Variants in CASTOR2 observed in about 807,000 individuals in gnomAD.
CASTOR2 encodes the protein cytosolic arginine sensor for mTORC1 subunit 2, also known as GATS protein like 2.
In CASTOR2, 8 loss-of-function variants were observed where a neutral mutation model predicts 31.2. That is an observed-to-expected ratio of 0.26 (90% CI 0.15 to 0.46). The LOEUF is 0.46. CASTOR2 is among the 20% of genes least tolerant of loss of function. The probability of loss-of-function intolerance (pLI) is 0.99; values close to 1 mark genes in which losing one functional copy is unlikely to be tolerated. For synonymous variants in CASTOR2, 162 were observed against 158.7 expected (o/e 1.02, Z -0.16); for missense variants, 216 against 382.1 (o/e 0.57, Z 3.62).
chr7:74,983,599 G>A (rs186524293), intron 1 of CASTOR2, among the ~76,000 whole-genome samples: 9 of 151,536 alleles, frequency 5.9e-5, no homozygotes, highest in African/African-American at 2.0e-4. Context: ...GCTGTGAGTC[G>A]TGTGCATCTC....
At position 75,026,676 on chromosome 7, in the gene CASTOR2, G is replaced by A. The variant is rs1403792458; in HGVS notation, c.*1977G>A. On this transcript the variant is annotated 3_prime_UTR_variant, in exon 9 of 9. Coordinates refer to ENST00000616305, the MANE Select transcript of CASTOR2 (RefSeq NM_001145064.3). ...TAGAAACCAACTTTTTTTTTTTTAAGTTAATTTGTTTTGCACAAAACTCCA... is the reference window on the plus strand; with the variant it reads ...TAGAAACCAACTTTTTTTTTTTTAAATTAATTTGTTTTGCACAAAACTCCA... Among the ~76,000 whole-genome samples the A allele has an allele frequency of 6.0e-5, 9 of 150,998 alleles. No homozygotes were observed.
At chr7:74,996,950 G>GTC (rs1288221607) in intron 1 of CASTOR2, among the ~76,000 whole-genome samples, 1 of 150,890 alleles carries the variant, frequency 6.6e-6, no homozygotes, top group Admixed American at 6.6e-5. Flanking sequence ...GGCCAGGTTG[G>GTC]TCTCAAACTC....
chr7:74,989,720 A>C (rs1421012594), intron 1 of CASTOR2, among the ~76,000 whole-genome samples: 2 of 151,942 alleles, frequency 1.3e-5, no homozygotes, highest in Non-Finnish European at 2.9e-5. Context: ...AGCCTGGATT[A>C]ATCTCAAAAA....
At position 75,018,994 on chromosome 7, in the gene CASTOR2, A is replaced by C. The variant is rs1252829488; in HGVS notation, c.534A>C (p.Pro178=). 1 of 1,551,980 alleles carries C rather than the reference A, an allele frequency of 6.4e-7. No homozygotes were observed. ...PKLVQRPVIH[P]LSSPSNRFCV... ...CAGTCCAGAGGCCAGTCATCCACCCACTGTCCAGCCCGAGCAACAGGTTCT... is the reference window on the plus strand; with the variant it reads ...CAGTCCAGAGGCCAGTCATCCACCCCCTGTCCAGCCCGAGCAACAGGTTCT... Residue 178 remains proline, a synonymous_variant, in exon 5 of 9, where the codon CCA becomes CCC. Coordinates refer to ENST00000616305, the MANE Select transcript of CASTOR2 (RefSeq NM_001145064.3).
rs972330162 is a variant in CASTOR2 at position 75,025,057 on chromosome 7, G to T, written c.*358G>T. On this transcript the variant is annotated 3_prime_UTR_variant, in exon 9 of 9. Transcript: ENST00000616305. ...ATGCCGAGGGAAGCCGGTCCCTCCT[G>T]CGAGACACCGGTGTGCCAGCTGTCA... 0.016 allele frequency among the ~76,000 whole-genome samples: 2,416 copies of T among 152,374 alleles called. 70 individuals are homozygous for T. Among genetic ancestry groups the T allele is most frequent in the African/African-American group, 0.056 (2,319 of 41,594 alleles).
chr7:74,971,370 G>C (rs1474214878), intron 1 of CASTOR2, among the ~76,000 whole-genome samples: 1 of 42,902 alleles, frequency 2.3e-5, no homozygotes, highest in African/African-American at 1.0e-4. Flanking sequence ...TGTGTGATCA[G>C]AGTTTATGGG....
intron 1 of CASTOR2, among the ~76,000 whole-genome samples, chr7:74,996,156 G>A (rs1315467355): frequency 2.6e-5 from 4 of 152,136 alleles, no homozygotes; most frequent in Non-Finnish European, 4.4e-5. Flanking sequence ...GATGGGCCCC[G>A]GTGGCAGGAA....
intron 2 of CASTOR2, among the ~76,000 whole-genome samples, chr7:75,014,516 C>G (rs1259190234): frequency 1.3e-5 from 2 of 151,844 alleles, no homozygotes; most frequent in East Asian, 3.9e-4. Context: ...CGCTTGAACC[C>G]GGGAGGCAGA....
Position 75,028,090 on chromosome 7 carries a change from A to C in CASTOR2, c.*3391A>C. 1 of 1,499,820 alleles carries C rather than the reference A, an allele frequency of 6.7e-7. No individual in the cohort carries two copies. Among genetic ancestry groups the C allele is most frequent in the Non-Finnish European group, 8.9e-7 (1 of 1,129,908 alleles). The allele number at this position is 1,499,820 out of a possible 1,614,324, so 92.9% of individuals were successfully genotyped here. A position where few individuals can be genotyped will look rare whatever the true frequency, so the allele number is the denominator to read the frequency against. Reference sequence around the variant, plus strand: ...GGATGGGGCAGGTGCCTGGCGGGGGAGGAAGAGGGCTCTCTATGATGTGGA... The same window carrying C: ...GGATGGGGCAGGTGCCTGGCGGGGGCGGAAGAGGGCTCTCTATGATGTGGA... On this transcript the variant is annotated 3_prime_UTR_variant, in exon 9 of 9. Coordinates refer to ENST00000616305, the MANE Select transcript of CASTOR2 (RefSeq NM_001145064.3).
intron 2 of CASTOR2, among the ~76,000 whole-genome samples, chr7:75,009,854 C>T (rs1584472877): frequency 6.7e-6 from 1 of 148,750 alleles, no homozygotes; most frequent in Non-Finnish European, 1.5e-5. Flanking sequence ...CCCCTCCCTT[C>T]ATGGTTTCTA....
intron 1 of CASTOR2, among the ~76,000 whole-genome samples, chr7:75,004,546 A>G (rs1163185652): frequency 6.7e-5 from 10 of 149,682 alleles, no homozygotes; most frequent in African/African-American, 9.9e-5. Context: ...TCCCAGGTTC[A>G]AGTAATTCTC....
At chr7:75,015,299 T>C (rs2131951939) in intron 2 of CASTOR2, among the ~76,000 whole-genome samples, 1 of 152,346 alleles carries the variant, frequency 6.6e-6, no homozygotes, top group East Asian at 1.9e-4. Context: ...AGACAGGGTC[T>C]GGCTGTGTCA....
rs587724709 is a variant in CASTOR2 at position 74,975,173 on chromosome 7, G to T, written c.113+10075G>T. Among the ~76,000 whole-genome samples, 129 of 151,112 alleles carry T rather than the reference G, an allele frequency of 8.5e-4. 2 individuals are homozygous for T. The highest frequency in any genetic ancestry group is 2.9e-3 in the African/African-American group (120 of 41,178). ...TAATTTAGATGGGTTTTCCCAGGTT[G>T]GACAGGCTGGTCTTGAACTCCTGAC... is the stretch of plus-strand genomic sequence containing the variant. On this transcript the variant is annotated intron_variant, in intron 1 of 8. Coordinates refer to ENST00000616305, the MANE Select transcript of CASTOR2 (RefSeq NM_001145064.3).
intron 2 of CASTOR2, among the ~76,000 whole-genome samples, chr7:75,011,997 A>G (rs1251506447): frequency 1.3e-5 from 2 of 152,028 alleles, no homozygotes; most frequent in African/African-American, 2.4e-5. Flanking sequence ...ACAAGAGTAA[A>G]GACCCATTTT....
intron 1 of CASTOR2, among the ~76,000 whole-genome samples, chr7:74,979,483 C>T (rs1438975132): frequency 9.7e-6 from 1 of 103,486 alleles, no homozygotes; most frequent in Non-Finnish European, 1.9e-5. Context: ...CCTCTGCCAC[C>T]TGGGTTCAAG....
At chr7:74,971,110 C>T (rs1324185231) in intron 1 of CASTOR2, among the ~76,000 whole-genome samples, 10 of 149,094 alleles carry the variant, frequency 6.7e-5, no homozygotes, top group African/African-American at 1.7e-4. Context: ...ATTCTCCTGC[C>T]TCAGCCTCTG....
At chr7:74,998,255 G>C (rs1199309187) in intron 1 of CASTOR2, among the ~76,000 whole-genome samples, 6 of 152,200 alleles carry the variant, frequency 3.9e-5, no homozygotes, top group African/African-American at 1.4e-4. Flanking sequence ...ACCAAGCCCT[G>C]TGCTGGGCAT....
At chr7:75,011,660 C>T (rs1174253574) in intron 2 of CASTOR2, among the ~76,000 whole-genome samples, 6 of 132,856 alleles carry the variant, frequency 4.5e-5, no homozygotes, top group African/African-American at 1.2e-4. Flanking sequence ...GTCGTGAACC[C>T]GGGAGGCGGG....
intron 1 of CASTOR2, among the ~76,000 whole-genome samples, chr7:74,978,129 A>G (rs1803867972): frequency 6.9e-6 from 1 of 145,130 alleles, no homozygotes; most frequent in Admixed American, 6.9e-5. Flanking sequence ...TTTTGGAGAC[A>G]GGGTCTTGCT....
Sources: allele counts gnomAD v4.1 joint callset (sites outside exome capture counted in the v4.1 genomes callset), GRCh38; gene constraint gnomAD v4.1.1; transcripts MANE v1.5; gene names NCBI Gene and HGNC (gene_info 2026-07-23, HGNC 2026-07-21).